Variants in SYNJ2 observed in about 807,000 individuals in gnomAD.
SYNJ2 encodes synaptojanin 2.
A neutral mutation model predicts 141.3 loss-of-function variants in SYNJ2; 116 were observed. That is an observed-to-expected ratio of 0.82 (90% CI 0.71 to 0.96). The LOEUF (loss-of-function observed/expected upper bound fraction) is 0.96, where lower values mean the gene tolerates loss of function less well. Among genes scored for constraint, SYNJ2 ranks in the 40% least tolerant of loss-of-function variants. The pLI is 0.00. For missense variants in SYNJ2, 1,873 were observed against 1,934.8 expected, an observed-to-expected ratio of 0.97 and a Z score of 0.60; for synonymous variants, 745 against 777.7, an observed-to-expected ratio of 0.96 and a Z score of 0.70.
chr6:158,090,066 G>T, intron 25 of SYNJ2, 119 bp downstream of exon 25: 1 of 671,104 alleles, frequency 1.5e-6, no homozygotes, highest in Non-Finnish European at 2.6e-6. Flanking sequence ...AATATTAAAT[G>T]AAAACATCCT....
rs190750223 is a variant in SYNJ2 at position 158,031,939 on chromosome 6, T to A, written c.486-1516T>A. On this transcript the variant is annotated intron_variant, in intron 3 of 26. Transcript: ENST00000355585. ...GTGTAGCTGGCAGACTCTGAAATAT[T>A]CTGGAGGCTTTGCCTTGATGCCACA... Among the ~76,000 whole-genome samples, 196 of 152,282 alleles carry A rather than the reference T, an allele frequency of 1.3e-3. 1 individual carries two copies. Among genetic ancestry groups the A allele is most frequent in the Non-Finnish European group, 2.4e-3 (161 of 68,018 alleles).
intron 2 of SYNJ2, among the ~76,000 whole-genome samples, chr6:158,020,537 G>GTGACTGACTCCACCTGTATGACTCCAACT (rs1778713437): frequency 6.6e-6 from 1 of 151,540 alleles, no homozygotes; most frequent in African/African-American, 2.4e-5. Context: ...CTGACTCTGT[G>GTGACTGACTCCACCTGTATGACTCCAACT]TGACTGACTC....
chr6:158,023,880 T>G (rs1397224649), intron 2 of SYNJ2, among the ~76,000 whole-genome samples: 2 of 152,226 alleles, frequency 1.3e-5, no homozygotes, highest in Non-Finnish European at 2.9e-5. Context: ...GTAACCATTT[T>G]ATCAGCAGGT....
intron 4 of SYNJ2, among the ~76,000 whole-genome samples, chr6:158,042,544 C>G (rs1316599728): frequency 6.6e-6 from 1 of 152,268 alleles, no homozygotes; most frequent in Non-Finnish European, 1.5e-5. Context: ...CGCCGCCTGC[C>G]CCTGCTGGCG....
intron 12 of SYNJ2, 66 bp downstream of exon 12, chr6:158,066,701 C>CA: frequency 6.5e-7 from 1 of 1,544,846 alleles, no homozygotes; most frequent in Non-Finnish European, 8.8e-7. Context: ...CACGCTTGAC[C>CA]CTTTAGTGGC....
intron 11 of SYNJ2, among the ~76,000 whole-genome samples, 170 bp from the exon 12 acceptor site, chr6:158,066,274 G>A (rs994539852): frequency 1.2e-4 from 19 of 152,136 alleles, no homozygotes; most frequent in Non-Finnish European, 2.2e-4. Context: ...GGGAAGCCCC[G>A]TGGTGACCGT....
intron 3 of SYNJ2, chr6:158,030,409 G>A (rs563005105): frequency 6.5e-6 from 1 of 152,788 alleles, no homozygotes; most frequent in South Asian, 2.1e-4. Context: ...CTTTGCCAGA[G>A]GCAGCCACAG....
Position 158,033,509 on chromosome 6 carries a change from G to T in SYNJ2, c.540G>T (p.Trp180Cys), listed in dbSNP as rs773765179. ...LRQHQVSCCD[W>C]LLKIICGVVT... ...AGCACCAGGTGAGCTGCTGTGACTGGCTGCTGAAGATCATCTGCGGGGTGG... is the reference window on the plus strand; with the variant it reads ...AGCACCAGGTGAGCTGCTGTGACTGTCTGCTGAAGATCATCTGCGGGGTGG... The change falls in exon 4 of 27, where the codon TGG (tryptophan) becomes TGT (cysteine). Residue 180 changes from tryptophan (W) to cysteine (C), a missense_variant. Coordinates refer to ENST00000355585, the MANE Select transcript of SYNJ2 (RefSeq NM_003898.4). 9 of 1,614,242 alleles carry T rather than the reference G, an allele frequency of 5.6e-6. No homozygotes were observed. Among genetic ancestry groups the T allele is most frequent in the Non-Finnish European group, 7.6e-6 (9 of 1,180,050 alleles).
In SYNJ2 at chr6:158,086,883, G is replaced by A; in HGVS notation, c.3237G>A (p.Arg1079=). The change falls in exon 23 of 27, where the codon CGG becomes CGA. Residue 1079 remains arginine, a synonymous_variant. Coordinates refer to ENST00000355585, the MANE Select transcript of SYNJ2 (RefSeq NM_003898.4). ...ACGCGGACCTGGTGGAGCTCAAGCG[G>A]GAGCTGGAAGCCGTCGGGGAGTTCC... The part of the protein sequence containing the change: ...KDDADLVELK[R]ELEAVGEFRH... The A allele has an allele frequency of 4.3e-6, 7 of 1,611,278 alleles. No homozygotes were observed. Among genetic ancestry groups the A allele is most frequent in the Non-Finnish European group, 5.9e-6 (7 of 1,180,040 alleles).
intron 4 of SYNJ2, among the ~76,000 whole-genome samples, chr6:158,034,254 C>G (rs1479759644): frequency 6.6e-6 from 1 of 152,162 alleles, no homozygotes; most frequent in Non-Finnish European, 1.5e-5. Flanking sequence ...GAGATGCTGT[C>G]TTACAACTTT....
intron 1 of SYNJ2, among the ~76,000 whole-genome samples, chr6:158,002,584 G>A (rs1401919123): frequency 3.9e-5 from 6 of 152,204 alleles, no homozygotes; most frequent in Non-Finnish European, 8.8e-5. Context: ...AGGGGTGATT[G>A]TGCAAGGCAG....
rs1158563274 is a variant in SYNJ2 at position 158,096,125 on chromosome 6, C to T, written c.4252C>T (p.Leu1418Phe). 14 of 1,614,138 alleles carry T rather than the reference C, an allele frequency of 8.7e-6. No individual in the cohort carries two copies. The highest frequency in any genetic ancestry group is 1.6e-4 in the Middle Eastern group (1 of 6,084). The change falls in exon 27 of 27, where the codon CTT (leucine) becomes TTT (phenylalanine). Residue 1418 changes from leucine (L) to phenylalanine (F), a missense_variant. Leu to Phe is a conservative substitution (Grantham distance 22, BLOSUM62 0). Transcript: ENST00000355585. ...LGDYQDPFWN[L>F]LHHPKLLNNT... Reference sequence around the variant, plus strand: ...TGATTATCAGGACCCCTTCTGGAACCTTCTTCACCACCCTAAACTGTTGAA... The same window carrying T: ...TGATTATCAGGACCCCTTCTGGAACTTTCTTCACCACCCTAAACTGTTGAA...
intron 22 of SYNJ2, 79 bp from the exon 23 acceptor site, chr6:158,086,776 C>T (rs1783062397): frequency 1.3e-5 from 19 of 1,496,102 alleles, no homozygotes; most frequent in Non-Finnish European, 1.7e-5. Flanking sequence ...CCACAGTCGG[C>T]CTCCTGTGCT....
intron 8 of SYNJ2, 47 bp from the exon 9 acceptor site, chr6:158,063,744 T>C (rs1207049647): frequency 3.2e-6 from 5 of 1,547,248 alleles, no homozygotes; most frequent in Non-Finnish European, 4.4e-6. Context: ...TGGCCACTGC[T>C]TCTTTGAAAA....
Position 158,084,314 on chromosome 6 carries a change from C to T in SYNJ2, c.3208+140C>T, listed in dbSNP as rs1782900062. ...AGAGACCTCAACCAGGCAGGCCAAG[C>T]GAGGGGTAGGGACTGAGCCCTGTGG... On this transcript the variant is annotated intron_variant, in intron 22 of 26. Transcript: ENST00000355585. This position sits in a 1 kb window ranked among gnomAD's most constrained non-coding sequence, Gnocchi z 5.0. 35 of 936,692 alleles carry T rather than the reference C, an allele frequency of 3.7e-5. No homozygotes were observed. In the East Asian group the frequency reaches 7.8e-4, roughly 21 times the overall value. 58.0% of individuals were successfully genotyped at this position (936,692 alleles called of 1,614,324 possible).
At chr6:158,057,047 AC>A (rs1425882972) in intron 6 of SYNJ2, among the ~76,000 whole-genome samples, 1 of 148,896 alleles carries the variant, frequency 6.7e-6, no homozygotes, top group Non-Finnish European at 1.5e-5. Context: ...AGGACAGTGA[AC>A]CCCTTCTCCT....
intron 1 of SYNJ2, among the ~76,000 whole-genome samples, chr6:157,988,893 T>G (rs1355956690): frequency 2.6e-5 from 4 of 152,108 alleles, no homozygotes; most frequent in Non-Finnish European, 2.9e-5. Context: ...AGGCTGTCAG[T>G]GGGCAGGCTG....
At chr6:158,049,034 G>A (rs1490596627) in intron 5 of SYNJ2, among the ~76,000 whole-genome samples, 1 of 152,146 alleles carries the variant, frequency 6.6e-6, no homozygotes, top group Non-Finnish European at 1.5e-5. Context: ...GTGGTGGGGT[G>A]CAGGGGAGAG....
At chr6:158,055,694 T>C (rs1780829313) in intron 6 of SYNJ2, among the ~76,000 whole-genome samples, 1 of 152,230 alleles carries the variant, frequency 6.6e-6, no homozygotes. Context: ...TTAGTGAATA[T>C]AGTAAAAATT....
Sources: allele counts gnomAD v4.1 joint callset (sites outside exome capture counted in the v4.1 genomes callset), GRCh38; gene constraint gnomAD v4.1.1; non-coding constraint Gnocchi (gnomAD v3.1); transcripts MANE v1.5; gene names NCBI Gene and HGNC (gene_info 2026-07-23, HGNC 2026-07-21).